NUP188: variants seen among roughly 807,000 people sequenced by gnomAD.
NUP188 encodes the protein nucleoporin NUP188.
In NUP188, 97 loss-of-function variants were observed where a neutral mutation model predicts 223.0. The observed-to-expected ratio is 0.43, with a 90% CI of 0.37 to 0.51. NUP188 has a LOEUF of 0.51. NUP188 is among the 20% of genes least tolerant of loss of function. NUP188 has a pLI of 0.00. For synonymous variants in NUP188, 869 were observed against 828.0 expected, an observed-to-expected ratio of 1.05 and a Z score of -0.85; for missense variants, 1,947 against 2,175.6, an observed-to-expected ratio of 0.89 and a Z score of 2.09.
Position 128,970,884 on chromosome 9 carries a change from G to A in NUP188, c.1039G>A (p.Gly347Ser). 1.2e-6 allele frequency: 2 copies of A among 1,614,108 alleles called. No homozygotes were observed. Among genetic ancestry groups the A allele is most frequent in the Non-Finnish European group, 1.7e-6 (2 of 1,180,020 alleles). ...ETSSVVRKIGGTAIQLNVFQY... is the reference protein window; with the variant it reads ...ETSSVVRKIGSTAIQLNVFQY... ...AAGCAGTGTGGTCCGGAAGATAGGT[G>A]GCACAGCCATCCAGCTGAATGTGTT... Residue 347 changes from glycine to serine, a missense_variant, in exon 11 of 44, where the codon GGC (glycine) becomes AGC (serine). This residue lies in a region of NUP188 where 817 missense variants were observed against 865.8 expected (regional missense o/e 0.94). Coordinates refer to ENST00000372577, the MANE Select transcript of NUP188 (RefSeq NM_015354.3).
rs1842065344 is a variant in NUP188, at chr9:128,968,675, A to G, written c.755A>G (p.His252Arg). Residue 252 changes from histidine (H) to arginine (R), a missense_variant, in exon 9 of 44, where the codon CAC becomes CGC. Coordinates refer to ENST00000372577, the MANE Select transcript of NUP188 (RefSeq NM_015354.3). ...TTTGGTAGTAGGCAGACCAATAGGC[A>G]CCTGGTGGATGAGACTATGGATCCT... ...QGFGSRQTNR[H>R]LVDETMDPFV... 2 of 1,614,164 alleles carry G rather than the reference A, an allele frequency of 1.2e-6. No homozygotes were observed. Among genetic ancestry groups the G allele is most frequent in the Non-Finnish European group, 1.7e-6 (2 of 1,180,006 alleles).
At chr9:128,994,303 A>AG in intron 27 of NUP188, 70 bp from the exon 28 acceptor site, 1 of 1,008,750 alleles carries the variant, frequency 9.9e-7, no homozygotes, top group South Asian at 1.3e-5. Context: ...CACCAAAGGG[A>AG]GCTTGAGAGA....
chr9:129,003,676 T>C lies in NUP188; in HGVS notation c.4434+222T>C. 10 of 642,476 alleles carry C rather than the reference T, an allele frequency of 1.6e-5. 1 individual carries two copies. The South Asian group carries it at 1.6e-4, about 10-fold the overall frequency. The allele number at this position is 642,476 out of a possible 1,614,324, so 39.8% of individuals were successfully genotyped here. Reference sequence around the variant, plus strand: ...GTTAAGAATTTGGACTTTTATCAGTTAGATCTTGGTTCAGATCCCTTAAGA... The same window carrying C: ...GTTAAGAATTTGGACTTTTATCAGTCAGATCTTGGTTCAGATCCCTTAAGA... On this transcript the variant is annotated intron_variant, in intron 38 of 43. Transcript: ENST00000372577.
intron 41 of NUP188, 107 bp from the exon 42 acceptor site, chr9:129,005,943 T>A: frequency 7.1e-7 from 1 of 1,417,576 alleles, no homozygotes; most frequent in Non-Finnish European, 9.9e-7. Flanking sequence ...GAGGATTAAA[T>A]GAGGTAACTG....
intron 11 of NUP188, among the ~76,000 whole-genome samples, 176 bp downstream of exon 11, chr9:128,971,134 C>A (rs571071567): frequency 6.6e-6 from 1 of 152,072 alleles, no homozygotes; most frequent in Non-Finnish European, 1.5e-5. Context: ...CTTTTTGAAT[C>A]CTTGTAACAC....
chr9:128,978,556 CAAAAAAAAA>C (rs57813508), intron 12 of NUP188, among the ~76,000 whole-genome samples: 1 of 67,640 alleles, frequency 1.5e-5, no homozygotes, highest in South Asian at 5.4e-4. Context: ...GAGTGAGACT[CAAAAAAAAA>C]AAAAAAAAAA....
At chr9:128,964,024 C>G (rs1841993226) in intron 8 of NUP188, among the ~76,000 whole-genome samples, 1 of 151,974 alleles carries the variant, frequency 6.6e-6, no homozygotes, top group Admixed American at 6.6e-5. Flanking sequence ...CCGTGTTAGC[C>G]AGGATGGTCT....
chr9:128,967,691 G>A (rs1377531233), intron 8 of NUP188, among the ~76,000 whole-genome samples: 7 of 152,100 alleles, frequency 4.6e-5, no homozygotes, highest in African/African-American at 1.4e-4. Flanking sequence ...TCGGGAGGCT[G>A]AGGCAGGAGA....
chr9:128,998,478 C>T (rs2131186195), intron 31 of NUP188, 60 bp from the exon 32 acceptor site: 2 of 1,426,366 alleles, frequency 1.4e-6, no homozygotes, highest in East Asian at 4.5e-5. Context: ...CCGGAGGTGC[C>T]CTGTGGATGG....
chr9:129,005,086 C>T, intron 38 of NUP188, 61 bp from the exon 39 acceptor site: 2 of 1,310,262 alleles, frequency 1.5e-6, no homozygotes, highest in Non-Finnish European at 2.2e-6. Flanking sequence ...TTGGGTTGGT[C>T]TGGTTGGGTG....
At chr9:128,984,455 C>G (rs1842304891) in intron 19 of NUP188, among the ~76,000 whole-genome samples, 1 of 152,142 alleles carries the variant, frequency 6.6e-6, no homozygotes, top group African/African-American at 2.4e-5. Flanking sequence ...TATCCAACAT[C>G]AATCACGTTA....
chr9:128,986,523 A>G (rs765282182), intron 20 of NUP188, 35 bp from the exon 21 acceptor site: 6 of 1,596,110 alleles, frequency 3.8e-6, no homozygotes, highest in East Asian at 4.5e-5. Flanking sequence ...TTTTCCTTAA[A>G]TGTGCGGAAG....
chr9:128,973,486 G>A (rs1345382105), intron 12 of NUP188, among the ~76,000 whole-genome samples: 1 of 152,104 alleles, frequency 6.6e-6, no homozygotes, highest in African/African-American at 2.4e-5. Context: ...GGGTTCGAGC[G>A]ATTCTCCTGT....
At chr9:129,000,308 G>A (rs1191593039) in intron 34 of NUP188, among the ~76,000 whole-genome samples, 3 of 152,030 alleles carry the variant, frequency 2.0e-5, no homozygotes, top group African/African-American at 7.2e-5. Context: ...TGACCTATTA[G>A]AGAGAGTCTT....
Position 129,006,671 on chromosome 9 carries a change from A to C in NUP188, c.5243A>C (p.Gln1748Pro). ...QLVQAFVRHMQR is the reference protein window; with the variant it reads ...QLVQAFVRHMPR ...GTGCAGGCGTTTGTCCGGCATATGC[A>C]AAGATAGGGCAGTGCTGTTCTGCCC... The change falls in exon 44 of 44, where the codon CAA becomes CCA. Residue 1748 changes from glutamine (Q) to proline (P), a missense_variant. Coordinates refer to ENST00000372577, the MANE Select transcript of NUP188 (RefSeq NM_015354.3). The C allele has an allele frequency of 6.2e-7, 1 of 1,612,966 alleles. No homozygotes were observed. Among genetic ancestry groups the C allele is most frequent in the Non-Finnish European group, 8.5e-7 (1 of 1,179,740 alleles).
Position 128,949,173 on chromosome 9 carries a change from TTC to T in NUP188, c.33-11_33-10del, listed in dbSNP as rs766051138. ...ATCAGAAAGAGCAAAATTACCTCTG[TTC>T]TCTCATTTTGCAGGAGCAGTAGAGA... On this transcript the variant is annotated splice_polypyrimidine_tract_variant and intron_variant, in intron 1 of 43. Coordinates refer to ENST00000372577, the MANE Select transcript of NUP188 (RefSeq NM_015354.3). 3.1e-6 allele frequency: 5 copies of T among 1,605,012 alleles called. No homozygotes were observed. The highest frequency in any genetic ancestry group is 2.2e-5 in the South Asian group (2 of 90,418).
At chr9:128,953,015 C>T (rs766019036) in intron 3 of NUP188, 169 bp downstream of exon 3, 41 of 530,608 alleles carry the variant, frequency 7.7e-5, no homozygotes, top group Non-Finnish European at 1.0e-4. Context: ...TTTTGTTGAC[C>T]GAAAGAAAAG....
At chr9:128,962,069 G>A (rs1006503781) in intron 8 of NUP188, among the ~76,000 whole-genome samples, 1 of 151,152 alleles carries the variant, frequency 6.6e-6, no homozygotes, top group Non-Finnish European at 1.5e-5. Context: ...CTGAGTAGGT[G>A]GGATTAAAGG....
At position 128,949,174 on chromosome 9, in the gene NUP188, T is replaced by C; in HGVS notation, c.33-15T>C. On this transcript the variant is annotated splice_polypyrimidine_tract_variant and intron_variant, in intron 1 of 43. Coordinates refer to ENST00000372577, the MANE Select transcript of NUP188 (RefSeq NM_015354.3). ...TCAGAAAGAGCAAAATTACCTCTGT[T>C]CTCTCATTTTGCAGGAGCAGTAGAG... The C allele has an allele frequency of 6.2e-7, 1 of 1,605,532 alleles. No individual in the cohort carries two copies. Among genetic ancestry groups the C allele is most frequent in the Non-Finnish European group, 8.5e-7 (1 of 1,173,122 alleles).
Sources: gnomAD v4.1 joint callset for allele counts (sites outside exome capture counted in the v4.1 genomes callset) on GRCh38, gnomAD v4.1.1 for gene constraint, gnomAD v4.1.1 regional missense constraint, MANE v1.5 for transcripts, NCBI Gene and HGNC (gene_info 2026-07-23, HGNC 2026-07-21) for gene names.